The following FCHSD2 variants were observed in gnomAD, a reference collection of about 807,000 sequenced individuals.
FCHSD2 encodes the protein FCH and double SH3 domains 2.
FCHSD2 carries 38 observed loss-of-function variants against 108.1 expected under a neutral mutation model. The ratio of observed to expected loss-of-function variants is 0.35; its 90% CI spans 0.27 to 0.46. The LOEUF is 0.46. Among genes scored for constraint, FCHSD2 ranks in the 20% least tolerant of loss-of-function variants. FCHSD2 has a pLI of 1.00. For synonymous variants in FCHSD2, 279 were observed against 314.7 expected (o/e 0.89, Z 1.20); for missense variants, 751 against 897.8 (o/e 0.84, Z 2.09).
chr11:72,897,891 G>A (rs545390126), intron 10 of FCHSD2, among the ~76,000 whole-genome samples: 2 of 152,272 alleles, frequency 1.3e-5, no homozygotes, highest in Admixed American at 1.3e-4. Context: ...CAAAAAAGAT[G>A]TATTTTACTT....
At chr11:72,895,068 T>TA (rs1855390850) in intron 10 of FCHSD2, among the ~76,000 whole-genome samples, 3 of 152,338 alleles carry the variant, frequency 2.0e-5, no homozygotes, top group African/African-American at 4.8e-5. Context: ...CAGTGCCTCT[T>TA]AAGAGACATA....
intron 11 of FCHSD2, 71 bp from the exon 12 acceptor site, chr11:72,887,645 T>G: frequency 2.0e-6 from 2 of 1,001,476 alleles, no homozygotes; most frequent in African/African-American, 1.7e-5. Context: ...ATTAAAGTAT[T>G]TACATAATTC....
intron 8 of FCHSD2, among the ~76,000 whole-genome samples, chr11:72,938,615 T>C (rs1330413484): frequency 1.3e-5 from 2 of 152,154 alleles, no homozygotes; most frequent in Non-Finnish European, 2.9e-5. Context: ...TGGAGAAGCT[T>C]AGGCATCTTC....
intron 12 of FCHSD2, among the ~76,000 whole-genome samples, chr11:72,883,518 G>A (rs986557795): frequency 6.6e-6 from 1 of 152,120 alleles, no homozygotes; most frequent in East Asian, 1.9e-4. Flanking sequence ...GATATATGAA[G>A]GGCTAAAAAC....
intron 4 of FCHSD2, among the ~76,000 whole-genome samples, chr11:73,002,104 C>G (rs961621125): frequency 7.2e-5 from 11 of 152,084 alleles, no homozygotes; most frequent in African/African-American, 2.4e-4. Flanking sequence ...GATTTTCAAC[C>G]ACAGCAACAT....
intron 8 of FCHSD2, among the ~76,000 whole-genome samples, chr11:72,948,196 TGG>T (rs1222440781): frequency 6.6e-6 from 1 of 152,070 alleles, no homozygotes; most frequent in Non-Finnish European, 1.5e-5. Context: ...TTAGTAGAGA[TGG>T]GGTTTTGCCA....
chr11:72,924,268 A>C lies in FCHSD2; in HGVS notation c.706-2318T>G, dbSNP rs149208066. ...CAAGTTTTAAATTTTGATGCAGTCT[A>C]ATTTAGCTATTTTTCTTTCTTTTTT... On this transcript the variant is annotated intron_variant, in intron 8 of 19. Coordinates refer to ENST00000409418, the MANE Select transcript of FCHSD2 (RefSeq NM_014824.3). 1.5e-4 allele frequency among the ~76,000 whole-genome samples: 23 copies of C among 151,970 alleles called. No homozygotes were observed. In the East Asian group the frequency reaches 3.9e-3, roughly 26 times the overall value.
chr11:73,016,845 AC>A (rs1287245724), intron 3 of FCHSD2, among the ~76,000 whole-genome samples: 2 of 152,254 alleles, frequency 1.3e-5, no homozygotes, highest in Admixed American at 1.3e-4. Context: ...TCTGGATAAA[AC>A]AGAATGTTTA....
intron 2 of FCHSD2, among the ~76,000 whole-genome samples, chr11:73,125,924 C>T (rs1170310234): frequency 6.6e-6 from 1 of 152,138 alleles, no homozygotes; most frequent in Non-Finnish European, 1.5e-5. Context: ...TGCAAAACTA[C>T]ATTTCACAAC....
chr11:73,060,378 T>A (rs998953045), intron 3 of FCHSD2, among the ~76,000 whole-genome samples: 1 of 152,218 alleles, frequency 6.6e-6, no homozygotes, highest in African/African-American at 2.4e-5. Context: ...CTGAAGACAT[T>A]TTGTATAATT....
intron 3 of FCHSD2, among the ~76,000 whole-genome samples, chr11:73,054,804 G>T (rs1451884382): frequency 1.3e-5 from 2 of 152,162 alleles, no homozygotes; most frequent in African/African-American, 4.8e-5. Context: ...GGCCTCTAGA[G>T]TAGCTAGGAC....
chr11:73,025,237 C>G (rs549920566), intron 3 of FCHSD2, among the ~76,000 whole-genome samples: 11 of 152,260 alleles, frequency 7.2e-5, no homozygotes, highest in African/African-American at 2.4e-4. Context: ...TGGAATCAAC[C>G]TAAACGCCCA....
intron 3 of FCHSD2, among the ~76,000 whole-genome samples, chr11:73,079,821 T>G (rs1202343081): frequency 6.6e-6 from 1 of 152,122 alleles, no homozygotes; most frequent in Non-Finnish European, 1.5e-5. Flanking sequence ...GGCAGTAAAC[T>G]GGCTCTCTAT....
chr11:73,100,808 T>G (rs1479585150), intron 2 of FCHSD2, among the ~76,000 whole-genome samples: 1 of 152,140 alleles, frequency 6.6e-6, no homozygotes, highest in Non-Finnish European at 1.5e-5. Flanking sequence ...CTATTATCAT[T>G]CGTTTCTCTT....
intron 2 of FCHSD2, among the ~76,000 whole-genome samples, chr11:73,133,562 T>C (rs1007539635): frequency 4.6e-5 from 7 of 151,894 alleles, no homozygotes; most frequent in Admixed American, 4.6e-4. Flanking sequence ...TCACTTGAGG[T>C]CAGGAGATGG....
At chr11:73,125,277 A>C (rs1450879743) in intron 2 of FCHSD2, among the ~76,000 whole-genome samples, 1 of 152,266 alleles carries the variant, frequency 6.6e-6, no homozygotes, top group East Asian at 1.9e-4. Flanking sequence ...TACCTGTTTA[A>C]AGAAAACTAA....
In FCHSD2 at chr11:72,838,878, A is replaced by G. The variant is rs753811747; in HGVS notation, c.2140-4T>C. 1.0e-5 allele frequency: 16 copies of G among 1,604,552 alleles called. No homozygotes were observed. The highest frequency in any genetic ancestry group is 3.4e-5 in the Admixed American group (2 of 58,578). ...GTGGAGGGGGAGCTGCCCGGACCTG[A>G]GCAGGAAACAATTACGTAGTTTGTC... On this transcript the variant is annotated splice_polypyrimidine_tract_variant and splice_region_variant and intron_variant, in intron 19 of 19. Transcript: ENST00000409418.
At chr11:73,024,730 CA>C (rs1023715034) in intron 3 of FCHSD2, among the ~76,000 whole-genome samples, 56 of 152,154 alleles carry the variant, frequency 3.7e-4, no homozygotes, top group African/African-American at 1.3e-3. Flanking sequence ...GAAAATACTG[CA>C]AACTACGCAT....
At chr11:73,064,137 C>A (rs768954050) in intron 3 of FCHSD2, among the ~76,000 whole-genome samples, 7 of 152,180 alleles carry the variant, frequency 4.6e-5, no homozygotes, top group Non-Finnish European at 8.8e-5. Flanking sequence ...GACACTCACT[C>A]AAAACCACAC....
Sources: allele counts gnomAD v4.1 joint callset (sites outside exome capture counted in the v4.1 genomes callset), GRCh38; gene constraint gnomAD v4.1.1; transcripts MANE v1.5; gene names NCBI Gene and HGNC (gene_info 2026-07-23, HGNC 2026-07-21).